Variants in MLF1 observed in about 807,000 individuals in gnomAD.
MLF1 encodes the protein myelodysplasia-myeloid leukemia factor 1.
In MLF1, 37 loss-of-function variants were observed where a neutral mutation model predicts 38.3. The observed-to-expected ratio is 0.96, with a 90% CI of 0.74 to 1.27. MLF1 has a LOEUF of 1.27. Among genes scored for constraint, MLF1 ranks in the 50% most tolerant of loss-of-function variants. The probability of loss-of-function intolerance (pLI) is 0.00; values close to 1 mark genes in which losing one functional copy is unlikely to be tolerated. For synonymous variants in MLF1, 95 were observed against 106.5 expected (o/e 0.89, Z 0.66); for missense variants, 331 against 349.2 (o/e 0.95, Z 0.42).
intron 1 of MLF1, chr3:158,582,593 C>T: frequency 3.2e-6 from 1 of 311,350 alleles, no homozygotes. Flanking sequence ...TTGAAAGAAG[C>T]TAGAGGGGGA....
intron 2 of MLF1, 39 bp from the exon 3 acceptor site, chr3:158,593,343 A>T (rs1426428872): frequency 2.7e-6 from 4 of 1,462,408 alleles, no homozygotes; most frequent in Non-Finnish European, 3.7e-6. Context: ...TCTATATAAT[A>T]AATGTCATAA....
intron 3 of MLF1, among the ~76,000 whole-genome samples, chr3:158,595,122 A>G (rs1165248046): frequency 6.6e-6 from 1 of 152,154 alleles, no homozygotes; most frequent in African/African-American, 2.4e-5. Context: ...AAACAACAAA[A>G]TAATTTCAGA....
chr3:158,581,126 G>A (rs1716280756), intron 1 of MLF1, among the ~76,000 whole-genome samples: 1 of 152,098 alleles, frequency 6.6e-6, no homozygotes, highest in Admixed American at 6.5e-5. Flanking sequence ...CAACTTAACT[G>A]GTGCAGAAAC....
chr3:158,586,955 A>C (rs1310461385), intron 1 of MLF1, among the ~76,000 whole-genome samples: 6 of 152,216 alleles, frequency 3.9e-5, no homozygotes, highest in Non-Finnish European at 5.9e-5. Context: ...TTAGACCTTC[A>C]AAGTTCAGGG....
At position 158,591,086 on chromosome 3, in the gene MLF1, T is replaced by G. The variant is rs2566339; in HGVS notation, c.48-1348T>G. The G allele has an allele frequency of 1.9e-3, 991 of 512,356 alleles. 12 individuals carry two copies. Among genetic ancestry groups the G allele is most frequent in the African/African-American group, 0.017 (894 of 51,854 alleles). 31.7% of individuals were successfully genotyped at this position (512,356 alleles called of 1,614,324 possible). A position where few individuals can be genotyped will look rare whatever the true frequency, so the allele number is the denominator to read the frequency against. On this transcript the variant is annotated intron_variant, in intron 1 of 7. Coordinates refer to ENST00000466246, the MANE Select transcript of MLF1 (RefSeq NM_001369783.1). ...GAAAAGCTCTTTCTACTTGGACTTATGAGCAGAAGACAGAATTTTTGAGCT... is the reference window on the plus strand; with the variant it reads ...GAAAAGCTCTTTCTACTTGGACTTAGGAGCAGAAGACAGAATTTTTGAGCT...
Position 158,571,225 on chromosome 3 carries a change from T to A in MLF1, c.-76T>A, listed in dbSNP as rs1358142695. ...GGCGTCGTCCGTACTGGAGGCTAGCTCTTGTCGCGGCCGCGGCGAGTTAAC... is the reference window on the plus strand; with the variant it reads ...GGCGTCGTCCGTACTGGAGGCTAGCACTTGTCGCGGCCGCGGCGAGTTAAC... On this transcript the variant is annotated 5_prime_UTR_variant, in exon 1 of 8. Transcript: ENST00000466246. 2 of 1,248,790 alleles carry A rather than the reference T, an allele frequency of 1.6e-6. No homozygotes were observed. Among genetic ancestry groups the A allele is most frequent in the Non-Finnish European group, 2.3e-6 (2 of 857,158 alleles). 77.4% of individuals were successfully genotyped at this position (1,248,790 alleles called of 1,614,324 possible). A position where few individuals can be genotyped will look rare whatever the true frequency, so the allele number is the denominator to read the frequency against.
chr3:158,601,006 C>T (rs1719667150), intron 6 of MLF1, among the ~76,000 whole-genome samples: 1 of 151,216 alleles, frequency 6.6e-6, no homozygotes, highest in Non-Finnish European at 1.5e-5. Context: ...CAATATTAAG[C>T]TTTTATATTT....
At chr3:158,583,145 TA>T (rs1362604996) in intron 1 of MLF1, among the ~76,000 whole-genome samples, 2 of 152,318 alleles carry the variant, frequency 1.3e-5, no homozygotes, top group African/African-American at 4.8e-5. Flanking sequence ...GTTGCTAATT[TA>T]AAGCAGTAGT....
chr3:158,603,306 AT>A (rs1224632094), intron 7 of MLF1, among the ~76,000 whole-genome samples: 1 of 152,204 alleles, frequency 6.6e-6, no homozygotes, highest in Non-Finnish European at 1.5e-5. Context: ...ATATCTAGAG[AT>A]ATGATAAGGG....
chr3:158,597,266 GA>G (rs748003788), intron 4 of MLF1, among the ~76,000 whole-genome samples: 5 of 151,212 alleles, frequency 3.3e-5, no homozygotes, highest in East Asian at 1.9e-4. Context: ...TTAAAAATTG[GA>G]AAAAAAATAA....
rs1714230632 is a variant in MLF1 at position 158,571,262 on chromosome 3, A to G, written c.-39A>G. The stretch of plus-strand genomic sequence containing the variant: ...CGCGGCGAGTTAACATCGTTTTTCC[A>G]ATCTGTCCGCGGCTGCCGCCACCCA... On this transcript the variant is annotated 5_prime_UTR_variant, in exon 1 of 8. Transcript: ENST00000466246. 5 of 1,537,226 alleles carry G rather than the reference A, an allele frequency of 3.3e-6. No homozygotes were observed. The East Asian group carries it at 1.1e-4, about 35-fold the overall frequency.
chr3:158,602,058 C>T (rs746353114), intron 6 of MLF1, among the ~76,000 whole-genome samples: 12 of 151,900 alleles, frequency 7.9e-5, no homozygotes, highest in Admixed American at 1.3e-4. Context: ...CCTTGTGATC[C>T]GCCCACCTCA....
chr3:158,575,420 A>G (rs1428464672), intron 1 of MLF1, among the ~76,000 whole-genome samples: 1 of 152,196 alleles, frequency 6.6e-6, no homozygotes, highest in Non-Finnish European at 1.5e-5. Context: ...TATATTTAAC[A>G]CACTTTTGGG....
chr3:158,576,713 C>T (rs1231365902), intron 1 of MLF1, among the ~76,000 whole-genome samples: 1 of 146,426 alleles, frequency 6.8e-6, no homozygotes, highest in African/African-American at 2.5e-5. Context: ...GGCACTGTTG[C>T]CCAGGCTGGA....
Position 158,605,328 on chromosome 3 carries a change from T to G in MLF1, c.*126T>G. On this transcript the variant is annotated 3_prime_UTR_variant, in exon 8 of 8. Coordinates refer to ENST00000466246, the MANE Select transcript of MLF1 (RefSeq NM_001369783.1). Reference sequence around the variant, plus strand: ...TGTCCTTGGCAACTTTCTTCTGATATCTGAATGTTCATGAAGGTCCTAGCT... The same window carrying G: ...TGTCCTTGGCAACTTTCTTCTGATAGCTGAATGTTCATGAAGGTCCTAGCT... The G allele has an allele frequency of 1.6e-6, 1 of 625,628 alleles. No individual in the cohort carries two copies. Among genetic ancestry groups the G allele is most frequent in the Non-Finnish European group, 2.7e-6 (1 of 373,940 alleles). 38.8% of individuals were successfully genotyped at this position (625,628 alleles called of 1,614,324 possible). A position where few individuals can be genotyped will look rare whatever the true frequency, so the allele number is the denominator to read the frequency against.
At chr3:158,590,343 T>A (rs1717935385) in intron 1 of MLF1, among the ~76,000 whole-genome samples, 1 of 152,214 alleles carries the variant, frequency 6.6e-6, no homozygotes, top group South Asian at 2.1e-4. Flanking sequence ...TCACCAAGAA[T>A]GCAGTGCAAC....
chr3:158,573,377 G>A (rs1176903301), intron 1 of MLF1: 10 of 133,012 alleles, frequency 7.5e-5, no homozygotes, highest in African/African-American at 2.8e-4. Flanking sequence ...GCGGGGCGGG[G>A]GGAGGGGGGC....
chr3:158,601,477 G>A (rs1719735888), intron 6 of MLF1, among the ~76,000 whole-genome samples: 1 of 152,192 alleles, frequency 6.6e-6, no homozygotes, highest in African/African-American at 2.4e-5. Context: ...GGCTGAAGCA[G>A]GAGAATCGCT....
At chr3:158,571,626 TG>T (rs1714305204) in intron 1 of MLF1, among the ~76,000 whole-genome samples, 2 of 26,074 alleles carry the variant, frequency 7.7e-5, no homozygotes, top group African/African-American at 1.7e-4. Flanking sequence ...GCGTGAGGTG[TG>T]GGGAGGAGAG....
Sources: allele counts gnomAD v4.1 joint callset (sites outside exome capture counted in the v4.1 genomes callset), GRCh38; gene constraint gnomAD v4.1.1; transcripts MANE v1.5; gene names NCBI Gene and HGNC (gene_info 2026-07-23, HGNC 2026-07-21).